EPHA6: variants seen among roughly 807,000 people sequenced by gnomAD.
EPHA6 encodes EPH receptor A6, also known as ephrin type-A receptor 6.
A neutral mutation model predicts 112.0 loss-of-function variants in EPHA6; 50 were observed. That is an observed-to-expected ratio of 0.45 (90% CI 0.36 to 0.56). EPHA6 has a LOEUF of 0.56. Ranked by LOEUF, EPHA6 falls within the 20% of genes least tolerant of loss-of-function variation. The pLI, the probability that EPHA6 is intolerant of heterozygous loss-of-function variation, is 0.00. For synonymous variants in EPHA6, 529 were observed against 490.7 expected (o/e 1.08, Z -1.03); for missense variants, 1,280 against 1,417.4 (o/e 0.90, Z 1.56).
At chr3:97,546,286 C>A (rs1577726509) in intron 11 of EPHA6, among the ~76,000 whole-genome samples, 2 of 152,128 alleles carry the variant, frequency 1.3e-5, no homozygotes, top group Non-Finnish European at 2.9e-5. Flanking sequence ...TCAGCATTTG[C>A]TTGTCTGTAA....
intron 3 of EPHA6, among the ~76,000 whole-genome samples, chr3:97,075,345 T>G (rs1353994929): frequency 6.6e-6 from 1 of 152,036 alleles, no homozygotes; most frequent in Admixed American, 6.6e-5. Context: ...GTTCCAGAAT[T>G]TTTCCAATTT....
intron 2 of EPHA6, among the ~76,000 whole-genome samples, chr3:96,915,817 T>C (rs2039456629): frequency 6.6e-6 from 1 of 152,070 alleles, no homozygotes; most frequent in Non-Finnish European, 1.5e-5. Context: ...ATTCATTCTA[T>C]TTAGTTTGAA....
chr3:97,562,281 T>C (rs964793040), intron 11 of EPHA6, among the ~76,000 whole-genome samples: 4 of 152,184 alleles, frequency 2.6e-5, no homozygotes, highest in African/African-American at 9.6e-5. Context: ...GAAAATCTTC[T>C]GGAAATGACT....
At chr3:97,671,447 C>T (rs370230483) in intron 14 of EPHA6, among the ~76,000 whole-genome samples, 1 of 152,108 alleles carries the variant, frequency 6.6e-6, no homozygotes, top group Non-Finnish European at 1.5e-5. Flanking sequence ...CACTGTAATA[C>T]TTTTTAATCA....
intron 3 of EPHA6, among the ~76,000 whole-genome samples, chr3:97,139,464 C>T (rs185733009): frequency 6.6e-6 from 1 of 152,062 alleles, no homozygotes; most frequent in Non-Finnish European, 1.5e-5. Context: ...CTCCCAAGAC[C>T]TTCACCTCCC....
intron 3 of EPHA6, among the ~76,000 whole-genome samples, chr3:97,057,281 G>A (rs2045881390): frequency 6.6e-6 from 1 of 152,190 alleles, no homozygotes; most frequent in Non-Finnish European, 1.5e-5. Context: ...GCCAAATGGA[G>A]GAGATATTAG....
At chr3:97,129,665 G>A (rs2048285341) in intron 3 of EPHA6, among the ~76,000 whole-genome samples, 1 of 152,124 alleles carries the variant, frequency 6.6e-6, no homozygotes, top group South Asian at 2.1e-4. Context: ...ATACTGCAGT[G>A]GAGTTTTGCA....
chr3:96,828,126 T>C (rs1352291136), intron 1 of EPHA6, among the ~76,000 whole-genome samples: 1 of 151,682 alleles, frequency 6.6e-6, no homozygotes, highest in Admixed American at 6.6e-5. Context: ...GAAAAGAAAA[T>C]CAGTTGCCCC....
At chr3:97,614,425 C>A (rs1295227581) in intron 13 of EPHA6, among the ~76,000 whole-genome samples, 4 of 150,332 alleles carry the variant, frequency 2.7e-5, no homozygotes, top group African/African-American at 9.8e-5. Flanking sequence ...ACCTCCGCCT[C>A]CCGGGTTCAA....
At chr3:97,092,067 C>T (rs1390053164) in intron 3 of EPHA6, among the ~76,000 whole-genome samples, 1 of 144,068 alleles carries the variant, frequency 6.9e-6, no homozygotes, top group Non-Finnish European at 1.5e-5. Context: ...TTTTTAAATG[C>T]TATATTTTGG....
intron 1 of EPHA6, among the ~76,000 whole-genome samples, chr3:96,832,711 A>G (rs2107283194): frequency 6.6e-6 from 1 of 152,180 alleles, no homozygotes. Context: ...TCTGTAACAA[A>G]ATCAATATAC....
At position 97,516,587 on chromosome 3, in the gene EPHA6, G is replaced by A. The variant is rs574907410; in HGVS notation, c.2201-15771G>A. On this transcript the variant is annotated intron_variant, in intron 10 of 17. Coordinates refer to ENST00000389672, the MANE Select transcript of EPHA6 (RefSeq NM_001080448.3). Reference sequence around the variant, plus strand: ...CTATCCAGATAACATTAATAATAACGGAATTTACTTTAAGACTTCAAGAGA... The same window carrying A: ...CTATCCAGATAACATTAATAATAACAGAATTTACTTTAAGACTTCAAGAGA... Among the ~76,000 whole-genome samples the A allele has an allele frequency of 5.4e-4, 82 of 152,154 alleles. 1 individual carries two copies. The South Asian group carries it at 0.015, about 27-fold the overall frequency.
chr3:97,694,105 C>G (rs1364329076), intron 14 of EPHA6, among the ~76,000 whole-genome samples: 1 of 152,174 alleles, frequency 6.6e-6, no homozygotes, highest in African/African-American at 2.4e-5. Flanking sequence ...ATAGCAAACA[C>G]TTGAACAGTC....
chr3:97,504,138 G>T (rs1425074395), intron 10 of EPHA6, among the ~76,000 whole-genome samples: 2 of 152,164 alleles, frequency 1.3e-5, no homozygotes, highest in African/African-American at 2.4e-5. Flanking sequence ...AGAATGAAGA[G>T]ATCTCACTTG....
chr3:96,873,003 T>C (rs1050325897), intron 2 of EPHA6, among the ~76,000 whole-genome samples: 1 of 152,014 alleles, frequency 6.6e-6, no homozygotes, highest in African/African-American at 2.4e-5. Context: ...ACTGTTGGGT[T>C]TCTGCTTCCT....
chr3:96,816,839 C>T (rs2032827558), intron 1 of EPHA6, among the ~76,000 whole-genome samples: 2 of 151,914 alleles, frequency 1.3e-5, no homozygotes, highest in Admixed American at 6.5e-5. Context: ...TTAAAAGCAT[C>T]GAGATGTTAT....
At chr3:97,053,649 A>C (rs536105871) in intron 3 of EPHA6, among the ~76,000 whole-genome samples, 1 of 152,234 alleles carries the variant, frequency 6.6e-6, no homozygotes, top group South Asian at 2.1e-4. Flanking sequence ...ACTGAGTCCT[A>C]TACAACTTGC....
chr3:97,570,379 A>T (rs1018454287), intron 11 of EPHA6, among the ~76,000 whole-genome samples: 2 of 152,146 alleles, frequency 1.3e-5, no homozygotes, highest in East Asian at 3.9e-4. Context: ...GGTGGATAAC[A>T]CCTCAATCTG....
chr3:97,214,386 ATATTTTGAAGCACAATAC>A (rs1026539153), intron 3 of EPHA6, among the ~76,000 whole-genome samples: 3 of 151,742 alleles, frequency 2.0e-5, no homozygotes, highest in African/African-American at 4.8e-5. Flanking sequence ...GTTGGATTGA[ATATTTTGAAGCACAATAC>A]TATTGCTATA....
Sources: gnomAD v4.1 joint callset for allele counts (sites outside exome capture counted in the v4.1 genomes callset) on GRCh38, gnomAD v4.1.1 for gene constraint, MANE v1.5 for transcripts, NCBI Gene and HGNC (gene_info 2026-07-23, HGNC 2026-07-21) for gene names.